IPO11: variants seen among roughly 807,000 people sequenced by gnomAD.
IPO11 encodes the protein importin 11.
A neutral mutation model predicts 143.2 loss-of-function variants in IPO11; 66 were observed. That is an observed-to-expected ratio of 0.46 (90% CI 0.38 to 0.57). The LOEUF is 0.57. IPO11 is among the 20% of genes least tolerant of loss of function. The pLI is 0.00. For missense variants in IPO11, 1,026 were observed against 1,141.0 expected (o/e 0.90, Z 1.45); for synonymous variants, 385 against 377.8 (o/e 1.02, Z -0.22).
At chr5:62,471,382 T>G (rs1344296095) in intron 7 of IPO11, among the ~76,000 whole-genome samples, 1 of 152,172 alleles carries the variant, frequency 6.6e-6, no homozygotes, top group Non-Finnish European at 1.5e-5. Flanking sequence ...GTTCTATTGT[T>G]AAATGAGTTT....
At chr5:62,519,066 G>C (rs1742123062) in intron 20 of IPO11, among the ~76,000 whole-genome samples, 1 of 152,148 alleles carries the variant, frequency 6.6e-6, no homozygotes, top group Admixed American at 6.5e-5. Flanking sequence ...ATTAGGGAAG[G>C]CCTCCTGACA....
chr5:62,456,458 A>G (rs965048805), intron 5 of IPO11, among the ~76,000 whole-genome samples: 1 of 152,336 alleles, frequency 6.6e-6, no homozygotes, highest in Non-Finnish European at 1.5e-5. Flanking sequence ...GTTAAAGTAA[A>G]TAATGTCCCC....
intron 29 of IPO11, among the ~76,000 whole-genome samples, chr5:62,606,023 A>C (rs1330114474): frequency 6.6e-6 from 1 of 151,344 alleles, no homozygotes; most frequent in Non-Finnish European, 1.5e-5. Flanking sequence ...GAGCCACTCC[A>C]CCCTCCCTAT....
intron 20 of IPO11, among the ~76,000 whole-genome samples, chr5:62,523,453 A>G (rs185978116): frequency 1.3e-4 from 20 of 152,322 alleles, no homozygotes; most frequent in Admixed American, 1.0e-3. Flanking sequence ...ATTTTAGAAA[A>G]GTAGTCAGTG....
intron 19 of IPO11, among the ~76,000 whole-genome samples, chr5:62,511,708 A>G (rs1035560890): frequency 1.3e-5 from 2 of 152,154 alleles, no homozygotes; most frequent in African/African-American, 4.8e-5. Context: ...GATAGTAGTG[A>G]AGCTATGAAG....
intron 3 of IPO11, among the ~76,000 whole-genome samples, chr5:62,449,214 A>G (rs904530056): frequency 1.3e-5 from 2 of 152,188 alleles, no homozygotes; most frequent in African/African-American, 4.8e-5. Flanking sequence ...TTTTAAAATT[A>G]ACAACACATT....
intron 1 of IPO11, chr5:62,418,995 A>G (rs892292176): frequency 6.5e-7 from 1 of 1,547,404 alleles, no homozygotes; most frequent in Non-Finnish European, 8.7e-7. Flanking sequence ...TTCTATGAAC[A>G]TCATATGAAC....
chr5:62,437,332 C>T lies in IPO11; in HGVS notation c.53C>T (p.Thr18Ile). ...GTTCTTCAGGTGTTAACACAGGCCA[C>T]CAGTCAGGATACTGCTGTGTTAAAA... ...TVVLQVLTQA[T>I]SQDTAVLKPA... The change falls in exon 2 of 30, where the codon ACC (threonine) becomes ATC (isoleucine). Residue 18 changes from threonine (T) to isoleucine (I), a missense_variant. Thr to Ile is a moderately conservative substitution (Grantham distance 89). Around this residue, in one of 5 missense-constraint regions of IPO11, gnomAD observed 429 missense variants for 456.3 expected, o/e 0.94. Coordinates refer to ENST00000325324, the MANE Select transcript of IPO11 (RefSeq NM_016338.5). The T allele has an allele frequency of 6.2e-7, 1 of 1,612,092 alleles. No homozygotes were observed. The highest frequency in any genetic ancestry group is 8.5e-7 in the Non-Finnish European group (1 of 1,178,746).
chr5:62,469,922 G>A (rs1344250422), intron 6 of IPO11, among the ~76,000 whole-genome samples: 2 of 152,142 alleles, frequency 1.3e-5, no homozygotes, highest in East Asian at 3.8e-4. Flanking sequence ...ATAGCTTAAA[G>A]TTTGTGAAAT....
At chr5:62,422,095 C>A (rs1440837100) in intron 1 of IPO11, among the ~76,000 whole-genome samples, 1 of 151,974 alleles carries the variant, frequency 6.6e-6, no homozygotes, top group Non-Finnish European at 1.5e-5. Flanking sequence ...TATAGCTTTT[C>A]CTTCCTATTT....
intron 18 of IPO11, 80 bp from the exon 19 acceptor site, chr5:62,506,161 T>A (rs1741548716): frequency 1.5e-6 from 1 of 689,616 alleles, no homozygotes; most frequent in African/African-American, 1.8e-5. Flanking sequence ...ATGATTTATT[T>A]CTTACTTCTG....
intron 26 of IPO11, among the ~76,000 whole-genome samples, chr5:62,552,499 A>G (rs1743423494): frequency 6.8e-6 from 1 of 146,954 alleles, no homozygotes; most frequent in Non-Finnish European, 1.5e-5. Context: ...TAAAGTAGAG[A>G]TGAGGTCTTG....
intron 16 of IPO11, among the ~76,000 whole-genome samples, chr5:62,504,296 C>G: frequency 6.6e-6 from 1 of 152,148 alleles, no homozygotes; most frequent in East Asian, 1.9e-4. Context: ...TCCTTTTGCA[C>G]CTTTGACTTA....
Position 62,458,560 on chromosome 5 carries a change from C to T in IPO11, c.516+6627C>T, listed in dbSNP as rs547557011. Among the ~76,000 whole-genome samples, 23 of 152,242 alleles carry T rather than the reference C, an allele frequency of 1.5e-4. No homozygotes were observed. In the East Asian group the frequency reaches 3.9e-3, roughly 26 times the overall value. The stretch of plus-strand genomic sequence containing the variant: ...AAATGATCTGCCCGCCTTGACCTCC[C>T]GAAGTGTTAGGATTACAGGCATGAG... On this transcript the variant is annotated intron_variant, in intron 5 of 29. Coordinates refer to ENST00000325324, the MANE Select transcript of IPO11 (RefSeq NM_016338.5).
At chr5:62,601,594 A>G (rs1050055362) in intron 28 of IPO11, among the ~76,000 whole-genome samples, 170 bp from the exon 29 acceptor site, 9 of 152,122 alleles carry the variant, frequency 5.9e-5, no homozygotes, top group Admixed American at 5.2e-4. Flanking sequence ...ATATCTTTTC[A>G]TAATTCAAAA....
chr5:62,497,036 A>C (rs550269724), intron 16 of IPO11, among the ~76,000 whole-genome samples: 1 of 152,304 alleles, frequency 6.6e-6, no homozygotes, highest in South Asian at 2.1e-4. Flanking sequence ...GATCCTGATG[A>C]ATCGAATTCC....
chr5:62,427,155 G>T (rs1265017041), intron 1 of IPO11, among the ~76,000 whole-genome samples: 2 of 151,664 alleles, frequency 1.3e-5, no homozygotes, highest in African/African-American at 4.8e-5. Flanking sequence ...GACCAGGCTG[G>T]TCTCGAGCTC....
intron 28 of IPO11, among the ~76,000 whole-genome samples, chr5:62,594,974 C>A (rs1194692067): frequency 6.6e-6 from 1 of 152,150 alleles, no homozygotes; most frequent in Admixed American, 6.5e-5. Context: ...GATTTCCACA[C>A]CGGAGGGACA....
intron 29 of IPO11, among the ~76,000 whole-genome samples, chr5:62,606,965 C>A (rs1028981146): frequency 5.9e-5 from 9 of 152,162 alleles, no homozygotes; most frequent in African/African-American, 2.2e-4. Flanking sequence ...TATAACAAAT[C>A]CTGAGCATGG....
Sources: gnomAD v4.1 joint callset for allele counts (sites outside exome capture counted in the v4.1 genomes callset) on GRCh38, gnomAD v4.1.1 for gene constraint, gnomAD v4.1.1 regional missense constraint, MANE v1.5 for transcripts, NCBI Gene and HGNC (gene_info 2026-07-23, HGNC 2026-07-21) for gene names.